Variants in CPE observed in about 807,000 individuals in gnomAD.
CPE encodes the protein carboxypeptidase E, also known as carbocypeptidase E.
Under a neutral mutation model 53.5 loss-of-function variants are expected in CPE, and 17 were observed. The observed-to-expected ratio is 0.32, with a 90% CI of 0.22 to 0.48. The LOEUF (loss-of-function observed/expected upper bound fraction) is 0.48. CPE is among the 20% of genes least tolerant of loss of function. CPE has a pLI of 0.99. For synonymous variants in CPE, 226 were observed against 228.8 expected (o/e 0.99, Z 0.11); for missense variants, 524 against 614.7 (o/e 0.85, Z 1.56).
At chr4:165,477,169 C>T (rs1035186821) in intron 3 of CPE, among the ~76,000 whole-genome samples, 1 of 67,524 alleles carries the variant, frequency 1.5e-5, no homozygotes, top group African/African-American at 8.1e-5. Context: ...TTCTAGCCAG[C>T]ACTACCTTCT....
intron 4 of CPE, among the ~76,000 whole-genome samples, chr4:165,484,202 A>G (rs1244632326): frequency 6.6e-6 from 1 of 152,186 alleles, no homozygotes; most frequent in African/African-American, 2.4e-5. Flanking sequence ...TAGAATGTAC[A>G]TTCTACCCAA....
intron 1 of CPE, among the ~76,000 whole-genome samples, chr4:165,442,756 A>G (rs534783982): frequency 1.3e-5 from 2 of 152,210 alleles, no homozygotes; most frequent in African/African-American, 4.8e-5. Context: ...GAACAGGCAG[A>G]CCTTATATAA....
intron 1 of CPE, among the ~76,000 whole-genome samples, chr4:165,399,463 C>T (rs1182742109): frequency 2.0e-5 from 3 of 152,308 alleles, no homozygotes; most frequent in East Asian, 3.9e-4. Flanking sequence ...CTCCCAAGTT[C>T]AAGCGATTCT....
At chr4:165,388,603 A>G (rs898866769) in intron 1 of CPE, among the ~76,000 whole-genome samples, 1 of 152,206 alleles carries the variant, frequency 6.6e-6, no homozygotes, top group East Asian at 1.9e-4. Context: ...CATACTGTAT[A>G]ACCAGTGGAT....
chr4:165,438,285 A>G (rs1405139554), intron 1 of CPE, among the ~76,000 whole-genome samples: 3 of 152,044 alleles, frequency 2.0e-5, no homozygotes, highest in Non-Finnish European at 4.4e-5. Flanking sequence ...AAGTTTGATA[A>G]ATGGAGTTAT....
At chr4:165,433,097 G>A (rs1283910102) in intron 1 of CPE, among the ~76,000 whole-genome samples, 2 of 152,224 alleles carry the variant, frequency 1.3e-5, no homozygotes, top group Non-Finnish European at 2.9e-5. Context: ...AATGACTCTA[G>A]CAGAGGAGGT....
intron 1 of CPE, among the ~76,000 whole-genome samples, chr4:165,427,280 G>T (rs1237031314): frequency 6.6e-6 from 1 of 152,096 alleles, no homozygotes; most frequent in Non-Finnish European, 1.5e-5. Flanking sequence ...ATCCTAACTG[G>T]CTGCCTGATC....
chr4:165,464,238 G>A, intron 1 of CPE, 152 bp from the exon 2 acceptor site: 1 of 608,678 alleles, frequency 1.6e-6, no homozygotes, highest in Non-Finnish European at 2.7e-6. Flanking sequence ...AGGATAGAAG[G>A]GGTATTTTAA....
In CPE at chr4:165,464,442, A is replaced by G; in HGVS notation, c.360A>G (p.Gly120=). Residue 120 remains glycine (G), a synonymous_variant, in exon 2 of 9, where the codon GGA becomes GGG. Transcript: ENST00000402744. The part of the protein sequence containing the change: ...IGNMHGNEAV[G]RELLIFLAQY... ...ATATGCATGGGAATGAGGCTGTTGG[A>G]CGAGAACTGCTCATTTTCTTGGCCC... 1 of 1,613,588 alleles carries G rather than the reference A, an allele frequency of 6.2e-7. No individual in the cohort carries two copies. Among genetic ancestry groups the G allele is most frequent in the Non-Finnish European group, 8.5e-7 (1 of 1,179,740 alleles).
At chr4:165,435,574 C>T (rs1412123111) in intron 1 of CPE, among the ~76,000 whole-genome samples, 2 of 152,018 alleles carry the variant, frequency 1.3e-5, no homozygotes, top group Non-Finnish European at 2.9e-5. Context: ...AATTCTTAGC[C>T]AGGATATGAG....
chr4:165,471,636 G>A (rs1231869856), intron 3 of CPE, among the ~76,000 whole-genome samples: 2 of 152,164 alleles, frequency 1.3e-5, no homozygotes, highest in African/African-American at 4.8e-5. Flanking sequence ...CTTGAGCCCA[G>A]CCATGGGTTT....
intron 1 of CPE, chr4:165,415,149 A>T (rs1731101665): frequency 6.3e-6 from 1 of 158,144 alleles, no homozygotes; most frequent in South Asian, 2.3e-4. Context: ...TAGATCACTG[A>T]CCTTCTGATT....
chr4:165,425,452 T>C (rs180821751), intron 1 of CPE, among the ~76,000 whole-genome samples: 16 of 152,296 alleles, frequency 1.1e-4, no homozygotes, highest in African/African-American at 3.6e-4. Context: ...ATATTTCCTT[T>C]ATGTGCTTAC....
intron 3 of CPE, among the ~76,000 whole-genome samples, chr4:165,472,547 C>T (rs903545910): frequency 6.6e-6 from 1 of 152,192 alleles, no homozygotes; most frequent in African/African-American, 2.4e-5. Context: ...ACAAATAACA[C>T]ATTTATGAAG....
chr4:165,406,890 T>C (rs1730962447), intron 1 of CPE, among the ~76,000 whole-genome samples: 1 of 152,250 alleles, frequency 6.6e-6, no homozygotes, highest in Non-Finnish European at 1.5e-5. Flanking sequence ...GGCCGACTCC[T>C]TTAACTTAGC....
chr4:165,402,738 A>G lies in CPE; in HGVS notation c.307+23210A>G, dbSNP rs145285109. ...ATTAAACTTCTTTTCTTTATAAATTACTCAGTCTCCGGTATTTCTTTATAG... is the reference window on the plus strand; with the variant it reads ...ATTAAACTTCTTTTCTTTATAAATTGCTCAGTCTCCGGTATTTCTTTATAG... On this transcript the variant is annotated intron_variant, in intron 1 of 8. Coordinates refer to ENST00000402744, the MANE Select transcript of CPE (RefSeq NM_001873.4). Among the ~76,000 whole-genome samples the G allele has an allele frequency of 3.1e-4, 47 of 152,240 alleles. 1 individual carries two copies. The East Asian group carries it at 9.1e-3, about 29-fold the overall frequency.
At chr4:165,474,954 TA>T (rs1284460660) in intron 3 of CPE, among the ~76,000 whole-genome samples, 1 of 152,198 alleles carries the variant, frequency 6.6e-6, no homozygotes, top group Non-Finnish European at 1.5e-5. Flanking sequence ...TCCCTTCGAA[TA>T]TGACCTTGAA....
intron 1 of CPE, among the ~76,000 whole-genome samples, chr4:165,435,345 C>CAGAAAA (rs140617037): frequency 0.042 from 6,367 of 152,028 alleles, 216 homozygotes; most frequent in East Asian, 0.16. Context: ...TTTCAGGCTA[C>CAGAAAA]AGAAAAACTG....
chr4:165,470,402 A>G (rs889850915), intron 3 of CPE, among the ~76,000 whole-genome samples: 5 of 152,116 alleles, frequency 3.3e-5, no homozygotes, highest in African/African-American at 1.2e-4. Flanking sequence ...AGTTGTATGC[A>G]TGCTCTCTTG....
Sources: allele counts gnomAD v4.1 joint callset (sites outside exome capture counted in the v4.1 genomes callset), GRCh38; gene constraint gnomAD v4.1.1; transcripts MANE v1.5; gene names NCBI Gene and HGNC (gene_info 2026-07-23, HGNC 2026-07-21).